The following RIC8B variants were observed in gnomAD, a reference collection of about 807,000 sequenced individuals.
The protein encoded by RIC8B is RIC8 guanine nucleotide exchange factor B, also known as chaperone Ric-8B.
A neutral mutation model predicts 57.5 loss-of-function variants in RIC8B; 16 were observed. That is an observed-to-expected ratio of 0.28 (90% CI 0.19 to 0.42). The LOEUF is 0.42. RIC8B is among the 10% of genes least tolerant of loss of function. The probability of loss-of-function intolerance (pLI) is 1.00; values close to 1 mark genes in which losing one functional copy is unlikely to be tolerated. For missense variants in RIC8B, 481 were observed against 677.0 expected, an observed-to-expected ratio of 0.71 and a Z score of 3.21; for synonymous variants, 216 against 250.8, an observed-to-expected ratio of 0.86 and a Z score of 1.31.
Position 106,825,769 on chromosome 12 carries a change from A to G in RIC8B, c.785A>G (p.His262Arg). The G allele has an allele frequency of 6.2e-7, 1 of 1,613,842 alleles. No homozygotes were observed. Among genetic ancestry groups the G allele is most frequent in the Non-Finnish European group, 8.5e-7 (1 of 1,179,812 alleles). Residue 262 changes from histidine to arginine, a missense_variant, in exon 4 of 10, where the codon CAT becomes CGT. Around this residue, in one of 3 missense-constraint regions of RIC8B, gnomAD observed 421 missense variants for 560.9 expected, o/e 0.75. Transcript: ENST00000392837. ...QFRVMAAVLRHCLLIVGPTED... is the reference protein window; with the variant it reads ...QFRVMAAVLRRCLLIVGPTED... ...CGTGTAATGGCAGCTGTCCTTCGTCATTGTTTACTAATCGTAGGTCCAACT... is the reference window on the plus strand; with the variant it reads ...CGTGTAATGGCAGCTGTCCTTCGTCGTTGTTTACTAATCGTAGGTCCAACT...
chr12:106,881,674 A>G (rs1042145051), intron 9 of RIC8B, among the ~76,000 whole-genome samples: 6 of 152,176 alleles, frequency 3.9e-5, no homozygotes, highest in Non-Finnish European at 7.4e-5. Flanking sequence ...CAAATGAAAT[A>G]GTCCCAGATT....
intron 3 of RIC8B, among the ~76,000 whole-genome samples, chr12:106,819,368 T>C (rs1306645612): frequency 1.3e-5 from 2 of 152,112 alleles, no homozygotes; most frequent in Non-Finnish European, 2.9e-5. Context: ...ATAAAAAGGG[T>C]TCTTCAACCC....
rs1311806668 is a variant in RIC8B, at chr12:106,867,628, T to C, written c.1452-3195T>C. Among the ~76,000 whole-genome samples, 1 of 152,168 alleles carries C rather than the reference T, an allele frequency of 6.6e-6. No individual in the cohort carries two copies. The highest frequency in any genetic ancestry group is 1.5e-5 in the Non-Finnish European group (1 of 68,022). ...TATTTTATGAAATCTCACGTCTTTG[T>C]TGTCACAATGGCTATTATTTGTTTT... On this transcript the variant is annotated intron_variant, in intron 8 of 9. Coordinates refer to ENST00000392837, the MANE Select transcript of RIC8B (RefSeq NM_001330145.2). This position sits in a 1 kb window ranked among gnomAD's most constrained non-coding sequence, Gnocchi z 4.3.
At chr12:106,880,597 C>T (rs977099363) in intron 9 of RIC8B, among the ~76,000 whole-genome samples, 8 of 152,042 alleles carry the variant, frequency 5.3e-5, no homozygotes, top group African/African-American at 1.9e-4. Context: ...TTGGGAATTC[C>T]AGGCTGTCTG....
chr12:106,801,898 C>T (rs2044749843), intron 2 of RIC8B, among the ~76,000 whole-genome samples: 1 of 152,196 alleles, frequency 6.6e-6, no homozygotes. Context: ...TCTGCATGTA[C>T]ACATGTACCT....
chr12:106,796,412 A>G (rs940096987), intron 2 of RIC8B, among the ~76,000 whole-genome samples: 6 of 152,092 alleles, frequency 3.9e-5, no homozygotes, highest in Admixed American at 6.6e-5. Context: ...GCTACAAAGC[A>G]GTAATAACCA....
In RIC8B at chr12:106,888,136, T is replaced by G. The variant is rs1373410623; in HGVS notation, c.*2121T>G. On this transcript the variant is annotated 3_prime_UTR_variant, in exon 10 of 10. Coordinates refer to ENST00000392837, the MANE Select transcript of RIC8B (RefSeq NM_001330145.2). ...ATGTCAGCTTACCTAAATGAAGATG[T>G]GTTTAATGAAATGCCATCTTACCAG... 6.6e-6 allele frequency: 1 copy of G among 152,556 alleles called. No individual in the cohort carries two copies. Among genetic ancestry groups the G allele is most frequent in the Non-Finnish European group, 1.5e-5 (1 of 68,044 alleles). The allele number at this position is 152,556 out of a possible 1,614,324, so 9.5% of individuals were successfully genotyped here.
At chr12:106,849,448 C>T (rs565193497) in intron 6 of RIC8B, among the ~76,000 whole-genome samples, 10 of 148,094 alleles carry the variant, frequency 6.8e-5, no homozygotes, top group South Asian at 2.2e-4. Flanking sequence ...CTACCATGCC[C>T]GGCCAAAAAT....
chr12:106,874,011 T>C (rs73200077), intron 9 of RIC8B, among the ~76,000 whole-genome samples: 5,460 of 152,324 alleles, frequency 0.036, 123 homozygotes, highest in South Asian at 0.072. Context: ...AGATTTATCA[T>C]TGGGGGAAGC....
chr12:106,844,044 G>T, intron 6 of RIC8B, 97 bp downstream of exon 6: 1 of 888,152 alleles, frequency 1.1e-6, no homozygotes, highest in South Asian at 1.5e-5. Flanking sequence ...TTTTGTTTCA[G>T]ATAATCAGAA....
chr12:106,802,151 C>A (rs11113116), intron 2 of RIC8B, among the ~76,000 whole-genome samples: 59,254 of 152,052 alleles, frequency 0.39, 11,798 homozygotes, highest in African/African-American at 0.47. Context: ...TTTATCTTAA[C>A]ATTCATGTAA....
rs1275160109 is a variant in RIC8B, at chr12:106,879,105, G to A, written c.1572-6799G>A. 7.1e-6 allele frequency: 7 copies of A among 985,618 alleles called. No homozygotes were observed. The highest frequency in any genetic ancestry group is 8.4e-6 in the Non-Finnish European group (7 of 829,910). 61.1% of individuals were successfully genotyped at this position (985,618 alleles called of 1,614,324 possible). A position where few individuals can be genotyped will look rare whatever the true frequency, so the allele number is the denominator to read the frequency against. On this transcript the variant is annotated intron_variant, in intron 9 of 9. Coordinates refer to ENST00000392837, the MANE Select transcript of RIC8B (RefSeq NM_001330145.2). This position sits in a 1 kb window ranked among gnomAD's most constrained non-coding sequence, Gnocchi z 4.9. Reference sequence around the variant, plus strand: ...GTCGTTATCAAGCTAAGTGGCAAGCGGGAAGCTGAAACTCGTATAGGTAAA... The same window carrying A: ...GTCGTTATCAAGCTAAGTGGCAAGCAGGAAGCTGAAACTCGTATAGGTAAA...
chr12:106,788,346 A>G (rs1422821699), intron 2 of RIC8B, among the ~76,000 whole-genome samples: 3 of 152,098 alleles, frequency 2.0e-5, no homozygotes, highest in Non-Finnish European at 4.4e-5. Context: ...GCAGGGTGCA[A>G]GCTGTCAGTG....
At chr12:106,811,520 A>G (rs1277322454) in intron 2 of RIC8B, among the ~76,000 whole-genome samples, 1 of 152,126 alleles carries the variant, frequency 6.6e-6, no homozygotes. Flanking sequence ...TTTAGAGTCC[A>G]CTCTAGGATT....
At position 106,887,040 on chromosome 12, in the gene RIC8B, T is replaced by TA. The variant is rs1435462310; in HGVS notation, c.*1028dup. On this transcript the variant is annotated 3_prime_UTR_variant, in exon 10 of 10. Coordinates refer to ENST00000392837, the MANE Select transcript of RIC8B (RefSeq NM_001330145.2). ...AAAAAGAAACACAATTAGTTACTGT[T>TA]AAACTGATAAAGGGTGTTTATTTTT... The TA allele has an allele frequency of 6.6e-6, 1 of 152,632 alleles. No individual in the cohort carries two copies. The highest frequency in any genetic ancestry group is 1.5e-5 in the Non-Finnish European group (1 of 68,040). 9.5% of individuals were successfully genotyped at this position (152,632 alleles called of 1,614,324 possible).
At chr12:106,851,177 A>C (rs1221460397) in intron 6 of RIC8B, among the ~76,000 whole-genome samples, 1 of 152,170 alleles carries the variant, frequency 6.6e-6, no homozygotes, top group Non-Finnish European at 1.5e-5. Context: ...GTGTTGAGAT[A>C]AACAAAAACT....
intron 4 of RIC8B, among the ~76,000 whole-genome samples, chr12:106,835,823 C>G (rs1021212459): frequency 6.6e-6 from 1 of 152,152 alleles, no homozygotes; most frequent in Non-Finnish European, 1.5e-5. Context: ...AGAACAATGA[C>G]CTGGTCACCA....
chr12:106,825,951 A>G, intron 4 of RIC8B, 131 bp downstream of exon 4: 1 of 620,776 alleles, frequency 1.6e-6, no homozygotes. Context: ...CTGGTAGGTC[A>G]GAAATCATTA....
At chr12:106,838,882 A>G (rs1392755765) in intron 4 of RIC8B, among the ~76,000 whole-genome samples, 2 of 152,132 alleles carry the variant, frequency 1.3e-5, no homozygotes, top group Non-Finnish European at 2.9e-5. Context: ...CATTTAACCA[A>G]CGAAGACATG....
Sources: gnomAD v4.1 joint callset for allele counts (sites outside exome capture counted in the v4.1 genomes callset) on GRCh38, gnomAD v4.1.1 for gene constraint, gnomAD v4.1.1 regional missense constraint, Gnocchi (gnomAD v3.1) non-coding constraint, MANE v1.5 for transcripts, NCBI Gene and HGNC (gene_info 2026-07-23, HGNC 2026-07-21) for gene names.